The following SLX4IP variants were observed in gnomAD, a reference collection of about 807,000 sequenced individuals.
SLX4IP encodes SLX4 interacting protein.
In SLX4IP, 34 loss-of-function variants were observed where a neutral mutation model predicts 32.9. The ratio of observed to expected loss-of-function variants is 1.03; its 90% CI spans 0.79 to 1.38. The LOEUF (loss-of-function observed/expected upper bound fraction) is 1.38. Among genes scored for constraint, SLX4IP ranks in the 40% most tolerant of loss-of-function variants. The probability of loss-of-function intolerance (pLI) is 0.00; values close to 1 mark genes in which losing one functional copy is unlikely to be tolerated. For synonymous variants in SLX4IP, 172 were observed against 171.7 expected, an observed-to-expected ratio of 1.00 and a Z score of -0.01; for missense variants, 444 against 479.0, an observed-to-expected ratio of 0.93 and a Z score of 0.68.
chr20:10,555,497 A>G (rs188758361), intron 2 of SLX4IP, among the ~76,000 whole-genome samples: 2 of 152,354 alleles, frequency 1.3e-5, no homozygotes, highest in Non-Finnish European at 2.9e-5. Context: ...TATCAGTTAC[A>G]ATAGCCACAT....
At chr20:10,611,176 AT>A (rs2066962619) in intron 6 of SLX4IP, among the ~76,000 whole-genome samples, 1 of 152,242 alleles carries the variant, frequency 6.6e-6, no homozygotes, top group African/African-American at 2.4e-5. Context: ...CTGATAATAT[AT>A]TACACTTTTA....
chr20:10,449,962 A>C (rs1348438532), intron 1 of SLX4IP, among the ~76,000 whole-genome samples: 2 of 148,312 alleles, frequency 1.3e-5, no homozygotes, highest in African/African-American at 2.5e-5. Context: ...TAAAAAAAAA[A>C]ACCCACAAAA....
chr20:10,584,073 C>T (rs1358116536), intron 4 of SLX4IP, among the ~76,000 whole-genome samples: 2 of 152,110 alleles, frequency 1.3e-5, no homozygotes, highest in Admixed American at 6.5e-5. Context: ...CTTATGTGAA[C>T]TCTTAAGGAC....
intron 2 of SLX4IP, among the ~76,000 whole-genome samples, chr20:10,482,250 T>C (rs1283325856): frequency 2.0e-5 from 3 of 152,202 alleles, no homozygotes; most frequent in African/African-American, 7.2e-5. Flanking sequence ...AAGCAATTGG[T>C]TTCTCATATT....
intron 2 of SLX4IP, among the ~76,000 whole-genome samples, chr20:10,502,257 T>A (rs1256037100): frequency 1.3e-5 from 2 of 152,026 alleles, no homozygotes; most frequent in Non-Finnish European, 2.9e-5. Context: ...CTCGGAGGAG[T>A]TGGGAGGCCC....
chr20:10,496,466 A>G (rs888786388), intron 2 of SLX4IP, among the ~76,000 whole-genome samples: 1 of 152,218 alleles, frequency 6.6e-6, no homozygotes, highest in Non-Finnish European at 1.5e-5. Flanking sequence ...ACAAACAAAT[A>G]GGAGTTATTT....
intron 2 of SLX4IP, among the ~76,000 whole-genome samples, chr20:10,516,944 C>T (rs1481648114): frequency 6.6e-6 from 1 of 152,164 alleles, no homozygotes. Flanking sequence ...TCCCTTCAAT[C>T]TATACAATAT....
At chr20:10,444,892 C>T (rs2065188796) in intron 1 of SLX4IP, among the ~76,000 whole-genome samples, 1 of 152,086 alleles carries the variant, frequency 6.6e-6, no homozygotes, top group Non-Finnish European at 1.5e-5. Flanking sequence ...GGGATACCAA[C>T]ATGTAGACCA....
At chr20:10,533,085 AT>A (rs1440033434) in intron 2 of SLX4IP, among the ~76,000 whole-genome samples, 3 of 151,650 alleles carry the variant, frequency 2.0e-5, no homozygotes, top group Non-Finnish European at 4.4e-5. Flanking sequence ...CACAAGCAAT[AT>A]TTTTGTGTCA....
chr20:10,603,128 A>G (rs2066863110), intron 6 of SLX4IP, among the ~76,000 whole-genome samples: 1 of 152,256 alleles, frequency 6.6e-6, no homozygotes, highest in Non-Finnish European at 1.5e-5. Context: ...ATATAGCTTA[A>G]CTGATTCAGA....
chr20:10,487,312 A>T (rs1450408462), intron 2 of SLX4IP, among the ~76,000 whole-genome samples: 1 of 152,188 alleles, frequency 6.6e-6, no homozygotes, highest in Non-Finnish European at 1.5e-5. Flanking sequence ...AGGGTGGGTC[A>T]TGTGTTTGTC....
intron 6 of SLX4IP, among the ~76,000 whole-genome samples, chr20:10,603,928 G>C (rs972329798): frequency 6.6e-6 from 1 of 152,118 alleles, no homozygotes; most frequent in Non-Finnish European, 1.5e-5. Flanking sequence ...ATTGATATTT[G>C]ACCTCTACAG....
chr20:10,476,751 T>A (rs1393330399), intron 2 of SLX4IP, among the ~76,000 whole-genome samples: 1 of 152,120 alleles, frequency 6.6e-6, no homozygotes, highest in African/African-American at 2.4e-5. Context: ...ATTGCAGAGA[T>A]CATGGGAGAT....
In SLX4IP at chr20:10,624,261, G is replaced by A. The variant is rs892540572; in HGVS notation, c.*882G>A. On this transcript the variant is annotated 3_prime_UTR_variant, in exon 8 of 8. Transcript: ENST00000334534. ...TTGCCTGTAGCTCAAGCATGTCCCA[G>A]TCCCTGCTCTTGCACCCACCTCCAG... is the stretch of plus-strand genomic sequence containing the variant. 3.2e-4 allele frequency: 48 copies of A among 152,236 alleles called. No homozygotes were observed. Among genetic ancestry groups the A allele is most frequent in the African/African-American group, 1.2e-3 (48 of 41,450 alleles). The allele number at this position is 152,236 out of a possible 1,614,324, so 9.4% of individuals were successfully genotyped here. A position where few individuals can be genotyped will look rare whatever the true frequency, so the allele number is the denominator to read the frequency against.
intron 2 of SLX4IP, among the ~76,000 whole-genome samples, chr20:10,466,472 G>A (rs6039957): frequency 0.49 from 74,851 of 151,946 alleles, 19,928 homozygotes; most frequent in Non-Finnish European, 0.6. Flanking sequence ...TTTATTGTGG[G>A]TGGGAAAATT....
At position 10,624,549 on chromosome 20, in the gene SLX4IP, A is replaced by T. The variant is rs151296404; in HGVS notation, c.*1170A>T. 3 of 152,114 alleles carry T rather than the reference A, an allele frequency of 2.0e-5. No individual in the cohort carries two copies. Among genetic ancestry groups the T allele is most frequent in the African/African-American group, 7.2e-5 (3 of 41,512 alleles). The allele number at this position is 152,114 out of a possible 1,614,324, so 9.4% of individuals were successfully genotyped here. A position where few individuals can be genotyped will look rare whatever the true frequency, so the allele number is the denominator to read the frequency against. Reference sequence around the variant, plus strand: ...AAGAAACAATATTCAAGGTCCATTCATTCAATACATCTTTTTTTTTTTTCT... The same window carrying T: ...AAGAAACAATATTCAAGGTCCATTCTTTCAATACATCTTTTTTTTTTTTCT... On this transcript the variant is annotated 3_prime_UTR_variant, in exon 8 of 8. Transcript: ENST00000334534.
Position 10,621,296 on chromosome 20 carries a change from T to G in SLX4IP, c.406-18T>G, listed in dbSNP as rs1381697811. On this transcript the variant is annotated intron_variant, in intron 6 of 7. Transcript: ENST00000334534. ...GCTAATAGATTTCTGGTTGAACCTT[T>G]GTTATCTTTTGGAGTAGACAGAAAG... The G allele has an allele frequency of 6.2e-7, 1 of 1,610,516 alleles. No homozygotes were observed. The highest frequency in any genetic ancestry group is 1.1e-5 in the South Asian group (1 of 91,012).
intron 3 of SLX4IP, among the ~76,000 whole-genome samples, chr20:10,556,957 C>G (rs2066272870): frequency 6.6e-6 from 1 of 152,268 alleles, no homozygotes; most frequent in East Asian, 1.9e-4. Flanking sequence ...TTTCAACAAT[C>G]CCACCCAAGT....
chr20:10,593,468 C>T (rs926801974), intron 4 of SLX4IP, among the ~76,000 whole-genome samples: 5 of 152,118 alleles, frequency 3.3e-5, no homozygotes, highest in Non-Finnish European at 7.3e-5. Flanking sequence ...GGTGCAGTGG[C>T]TCACACCTGT....
Sources: allele counts gnomAD v4.1 joint callset (sites outside exome capture counted in the v4.1 genomes callset), GRCh38; gene constraint gnomAD v4.1.1; transcripts MANE v1.5; gene names NCBI Gene and HGNC (gene_info 2026-07-23, HGNC 2026-07-21).